Variants in NTRK3 observed in about 807,000 individuals in gnomAD.
NTRK3 encodes neurotrophic receptor tyrosine kinase 3, also known as NT-3 growth factor receptor.
In NTRK3, 24 loss-of-function variants were observed where a neutral mutation model predicts 91.7. That is an observed-to-expected ratio of 0.26 (90% confidence interval 0.19 to 0.37). NTRK3 has a LOEUF of 0.37. Among genes scored for constraint, NTRK3 ranks in the 10% least tolerant of loss-of-function variants. The pLI is 1.00. For synonymous variants in NTRK3, 483 were observed against 404.0 expected (o/e 1.20, Z -2.34); for missense variants, 880 against 1,068.9 (o/e 0.82, Z 2.46).
chr15:88,187,623 A>G (rs1163985504), intron 3 of NTRK3, among the ~76,000 whole-genome samples: 1 of 152,216 alleles, frequency 6.6e-6, no homozygotes, highest in Non-Finnish European at 1.5e-5. Flanking sequence ...TGGGCTGTAC[A>G]GGTTGTTTTC....
chr15:88,052,088 AC>A (rs2142305567), intron 13 of NTRK3, among the ~76,000 whole-genome samples: 1 of 152,354 alleles, frequency 6.6e-6, no homozygotes, highest in East Asian at 1.9e-4. Context: ...TTAAAGGACA[AC>A]CCTGTTAACT....
chr15:88,151,031 G>GC (rs1237057759), intron 5 of NTRK3, among the ~76,000 whole-genome samples: 18 of 152,014 alleles, frequency 1.2e-4, no homozygotes, highest in Admixed American at 9.2e-4. Context: ...CTGCCTCTGA[G>GC]CCCCACGGCA....
At chr15:88,167,864 AT>A (rs2045132358) in intron 5 of NTRK3, among the ~76,000 whole-genome samples, 1 of 152,188 alleles carries the variant, frequency 6.6e-6, no homozygotes, top group Non-Finnish European at 1.5e-5. Context: ...TAAAATTCTG[AT>A]ATGAGGTATG....
intron 17 of NTRK3, among the ~76,000 whole-genome samples, chr15:87,904,560 T>C (rs1478006635): frequency 6.6e-6 from 1 of 152,174 alleles, no homozygotes; most frequent in Non-Finnish European, 1.5e-5. Flanking sequence ...GATGCATCTA[T>C]GACCAAGTCT....
At chr15:87,859,791 A>T in exon 19 of NTRK3, 1 of 176,798 alleles carries the variant, frequency 5.7e-6, no homozygotes, top group Admixed American at 6.3e-5. Flanking sequence ...CCCTACATAA[A>T]CTATGTCAGG....
intron 17 of NTRK3, 97 bp from the exon 18 acceptor site, chr15:87,885,832 T>C (rs369061957): frequency 4.4e-6 from 2 of 457,766 alleles, no homozygotes. Context: ...ATAAGACACA[T>C]GTTCAAGAAG....
chr15:87,940,256 G>A (rs2069696349), intron 15 of NTRK3, among the ~76,000 whole-genome samples: 1 of 152,178 alleles, frequency 6.6e-6, no homozygotes, highest in Non-Finnish European at 1.5e-5. Flanking sequence ...CTGAGAAATG[G>A]CCATGTGACT....
chr15:88,005,465 G>T (rs866194006), intron 14 of NTRK3, among the ~76,000 whole-genome samples: 1 of 152,110 alleles, frequency 6.6e-6, no homozygotes, highest in Non-Finnish European at 1.5e-5. Flanking sequence ...AAGTCTGTCC[G>T]CCCTAAAACA....
chr15:88,068,032 C>G (rs528388156), intron 13 of NTRK3, among the ~76,000 whole-genome samples: 19 of 152,218 alleles, frequency 1.2e-4, no homozygotes, highest in African/African-American at 4.3e-4. Flanking sequence ...ATATTCCTAC[C>G]TCAGGAATAG....
chr15:88,173,072 A>G (rs575411536), intron 5 of NTRK3, among the ~76,000 whole-genome samples: 5 of 152,172 alleles, frequency 3.3e-5, no homozygotes, highest in African/African-American at 1.2e-4. Flanking sequence ...GGGGTTCAAT[A>G]ACACATTTGG....
rs751950821 is a variant in NTRK3, at chr15:88,012,305, C to T, written c.1585+20552G>A. Among the ~76,000 whole-genome samples, 4 of 152,120 alleles carry T rather than the reference C, an allele frequency of 2.6e-5. No individual in the cohort carries two copies. In the East Asian group the frequency reaches 7.7e-4, roughly 29 times the overall value. On this transcript the variant is annotated intron_variant, in intron 14 of 18. Transcript: ENST00000394480. ...CATAAGGGAAACGTATTAACACAAC[C>T]TAAAACACAAACCTTCTCACTTCCT...
At chr15:87,954,100 G>C (rs1294920497) in intron 14 of NTRK3, among the ~76,000 whole-genome samples, 1 of 151,532 alleles carries the variant, frequency 6.6e-6, no homozygotes. Context: ...TGTAGGCTCT[G>C]TGGGCAGATG....
chr15:87,915,289 T>C (rs541871263), intron 17 of NTRK3, among the ~76,000 whole-genome samples: 1 of 152,338 alleles, frequency 6.6e-6, no homozygotes, highest in African/African-American at 2.4e-5. Context: ...AAGCCAGTCT[T>C]TTCTCTATCC....
intron 17 of NTRK3, among the ~76,000 whole-genome samples, chr15:87,903,415 C>A (rs1195951772): frequency 6.6e-6 from 1 of 152,204 alleles, no homozygotes; most frequent in African/African-American, 2.4e-5. Context: ...TCCCCTCCTC[C>A]ATCATCTTCC....
At chr15:87,974,204 G>A (rs995956713) in intron 14 of NTRK3, among the ~76,000 whole-genome samples, 3 of 152,164 alleles carry the variant, frequency 2.0e-5, no homozygotes, top group African/African-American at 7.2e-5. Flanking sequence ...AGGTGGAGGT[G>A]AGGATGTGGC....
At chr15:88,133,518 A>G (rs1287037664) in intron 10 of NTRK3, among the ~76,000 whole-genome samples, 3 of 152,174 alleles carry the variant, frequency 2.0e-5, no homozygotes, top group African/African-American at 7.2e-5. Flanking sequence ...TTCCTCACCA[A>G]TCAAGACTTT....
exon 13 of NTRK3, chr15:88,126,357 C>G (rs778263161): frequency 6.2e-7 from 1 of 1,613,464 alleles, no homozygotes; most frequent in Non-Finnish European, 8.5e-7. Context: ...AGCAGCAAGT[C>G]CAACTGCTAT....
At chr15:88,063,058 G>A (rs111503791) in intron 13 of NTRK3, among the ~76,000 whole-genome samples, 92 of 152,332 alleles carry the variant, frequency 6.0e-4, no homozygotes, top group Admixed American at 2.2e-3. Flanking sequence ...CTTATGCTGT[G>A]GTTCAACACT....
At chr15:88,135,077 C>A (rs1567493733) in intron 10 of NTRK3, 24 bp downstream of exon 10, 1 of 1,614,068 alleles carries the variant, frequency 6.2e-7, no homozygotes, top group East Asian at 2.2e-5. Flanking sequence ...CCATACACCT[C>A]CGATCCAGCT....
Sources: allele counts gnomAD v4.1 joint callset (sites outside exome capture counted in the v4.1 genomes callset), GRCh38; gene constraint gnomAD v4.1.1; transcripts MANE v1.5; gene names NCBI Gene and HGNC (gene_info 2026-07-23, HGNC 2026-07-21).